XPNPEP3: variants seen among roughly 807,000 people sequenced by gnomAD.
XPNPEP3 encodes the protein xaa-Pro aminopeptidase 3.
XPNPEP3 carries 41 observed loss-of-function variants against 60.0 expected under a neutral mutation model. The ratio of observed to expected loss-of-function variants is 0.68; its 90% CI spans 0.53 to 0.89. XPNPEP3 has a LOEUF of 0.89. Among genes scored for constraint, XPNPEP3 ranks in the 40% least tolerant of loss-of-function variants. The pLI, the probability that XPNPEP3 is intolerant of heterozygous loss-of-function variation, is 0.00. For synonymous variants in XPNPEP3, 212 were observed against 223.2 expected (o/e 0.95, Z 0.45); for missense variants, 598 against 638.9 (o/e 0.94, Z 0.69).
At chr22:40,922,222 C>T (rs2058219129) in intron 7 of XPNPEP3, 111 bp from the exon 8 acceptor site, 3 of 1,285,674 alleles carry the variant, frequency 2.3e-6, no homozygotes, top group Non-Finnish European at 3.3e-6. Context: ...TAAACATCAA[C>T]AGTGCCCCAG....
intron 1 of XPNPEP3, among the ~76,000 whole-genome samples, chr22:40,865,917 A>G (rs1229457768): frequency 6.6e-6 from 1 of 152,150 alleles, no homozygotes; most frequent in Non-Finnish European, 1.5e-5. Flanking sequence ...GGCTTTGTTC[A>G]GTCTCCCTGG....
rs1020775134 is a variant in XPNPEP3, at chr22:40,924,236, G to A, written c.1237-126G>A. The A allele has an allele frequency of 3.7e-6, 5 of 1,344,414 alleles. No homozygotes were observed. The East Asian group carries it at 1.2e-4, about 31-fold the overall frequency. 83.3% of individuals were successfully genotyped at this position (1,344,414 alleles called of 1,614,324 possible). A position where few individuals can be genotyped will look rare whatever the true frequency, so the allele number is the denominator to read the frequency against. ...GTGCCTTTAAGTATTAGCCCAAGGA[G>A]GGATTAAACTGAAGTGGCAGAACCA... On this transcript the variant is annotated intron_variant, in intron 8 of 9. Coordinates refer to ENST00000357137, the MANE Select transcript of XPNPEP3 (RefSeq NM_022098.4).
At chr22:40,857,286 TGGAGG>T (rs779526179) in intron 1 of XPNPEP3, 41 bp downstream of exon 1, 1 of 1,610,632 alleles carries the variant, frequency 6.2e-7, no homozygotes, top group Admixed American at 1.7e-5. Context: ...TGGTGTCCCC[TGGAGG>T]GACCCAAGTT....
At chr22:40,906,037 C>T (rs1243335473) in intron 4 of XPNPEP3, among the ~76,000 whole-genome samples, 1 of 152,068 alleles carries the variant, frequency 6.6e-6, no homozygotes, top group Non-Finnish European at 1.5e-5. Context: ...ATGATCTGTC[C>T]ACCTCAGCCT....
At chr22:40,890,073 A>T (rs1208190596) in intron 4 of XPNPEP3, among the ~76,000 whole-genome samples, 7 of 152,206 alleles carry the variant, frequency 4.6e-5, no homozygotes, top group Non-Finnish European at 8.8e-5. Context: ...CTCCATAGGG[A>T]TAACATCCCA....
chr22:40,861,378 T>C (rs1290193273), intron 1 of XPNPEP3: 5 of 1,613,842 alleles, frequency 3.1e-6, no homozygotes, highest in Non-Finnish European at 4.2e-6. Context: ...TTGATCACTT[T>C]CAATAATTTT....
chr22:40,902,045 C>T (rs2058135440), intron 4 of XPNPEP3, among the ~76,000 whole-genome samples: 1 of 147,094 alleles, frequency 6.8e-6, no homozygotes, highest in African/African-American at 2.5e-5. Flanking sequence ...AATTAGGTGT[C>T]TTCTAAACAT....
chr22:40,896,136 G>T (rs550303675), intron 4 of XPNPEP3, among the ~76,000 whole-genome samples: 1 of 152,252 alleles, frequency 6.6e-6, no homozygotes, highest in African/African-American at 2.4e-5. Context: ...GGAGTTTAAT[G>T]ACAGGCAGTT....
chr22:40,865,208 C>T (rs2057972344), intron 1 of XPNPEP3, among the ~76,000 whole-genome samples: 1 of 152,080 alleles, frequency 6.6e-6, no homozygotes, highest in Non-Finnish European at 1.5e-5. Flanking sequence ...TGTCTTCTGT[C>T]TTCTTTACTC....
chr22:40,860,524 T>G (rs1183119154), intron 1 of XPNPEP3: 2 of 685,304 alleles, frequency 2.9e-6, no homozygotes, highest in Non-Finnish European at 4.3e-6. Context: ...TCTTGATACA[T>G]TCTTGTCTTC....
At chr22:40,910,542 A>C (rs1392077754) in intron 6 of XPNPEP3, among the ~76,000 whole-genome samples, 1 of 143,138 alleles carries the variant, frequency 7.0e-6, no homozygotes, top group Non-Finnish European at 1.5e-5. Flanking sequence ...CTATCTCTAC[A>C]AAAAAATACA....
rs937700747 is a variant in XPNPEP3 at position 40,929,433 on chromosome 22, T to G, written c.*2998T>G. On this transcript the variant is annotated 3_prime_UTR_variant, in exon 10 of 10. Transcript: ENST00000357137. The stretch of plus-strand genomic sequence containing the variant: ...GTCTCGAACTCCTGACCTCATGATC[T>G]GCCCGCCTCGGCCTCCCTAAGTGCT... The G allele has an allele frequency of 1.3e-5, 2 of 152,152 alleles. No homozygotes were observed. The highest frequency in any genetic ancestry group is 4.8e-5 in the African/African-American group (2 of 41,450). The allele number at this position is 152,152 out of a possible 1,614,324, so 9.4% of individuals were successfully genotyped here.
intron 4 of XPNPEP3, among the ~76,000 whole-genome samples, chr22:40,890,618 A>G (rs551483799): frequency 1.1e-4 from 16 of 151,384 alleles, no homozygotes; most frequent in African/African-American, 3.9e-4. Flanking sequence ...TATAATCCCA[A>G]CACTTTGGGA....
At chr22:40,901,675 A>G (rs1259843985) in intron 4 of XPNPEP3, among the ~76,000 whole-genome samples, 1 of 149,914 alleles carries the variant, frequency 6.7e-6, no homozygotes, top group Non-Finnish European at 1.5e-5. Flanking sequence ...GGGTTTCACC[A>G]TGTTGCCAAG....
chr22:40,881,360 G>A (rs1340038589), intron 2 of XPNPEP3, among the ~76,000 whole-genome samples: 2 of 151,434 alleles, frequency 1.3e-5, no homozygotes, highest in Admixed American at 6.6e-5. Flanking sequence ...GGAGGCTGAA[G>A]TGGGAGAATT....
At chr22:40,868,428 CGTGTGTGTGTGT>C (rs35513572) in intron 1 of XPNPEP3, among the ~76,000 whole-genome samples, 2 of 144,674 alleles carry the variant, frequency 1.4e-5, no homozygotes, top group African/African-American at 5.1e-5. Context: ...TATATGTGTG[CGTGTGTGTGTGT>C]GTGTGTGTGT....
intron 4 of XPNPEP3, among the ~76,000 whole-genome samples, 163 bp downstream of exon 4, chr22:40,886,678 T>G (rs1209690224): frequency 6.6e-6 from 1 of 151,566 alleles, no homozygotes; most frequent in African/African-American, 2.4e-5. Context: ...ACATAAAAAA[T>G]TAGCCGGGCA....
At chr22:40,907,035 C>G (rs2058158366) in intron 4 of XPNPEP3, 1 of 456,158 alleles carries the variant, frequency 2.2e-6, no homozygotes, top group East Asian at 6.9e-5. Context: ...CAAAAGGCCT[C>G]ACTTCTTACT....
At chr22:40,865,192 C>A (rs925736970) in intron 1 of XPNPEP3, among the ~76,000 whole-genome samples, 3 of 152,158 alleles carry the variant, frequency 2.0e-5, no homozygotes, top group Non-Finnish European at 4.4e-5. Context: ...TTGGCATACT[C>A]CAATCTGTCT....
Sources: allele counts gnomAD v4.1 joint callset (sites outside exome capture counted in the v4.1 genomes callset), GRCh38; gene constraint gnomAD v4.1.1; transcripts MANE v1.5; gene names NCBI Gene and HGNC (gene_info 2026-07-23, HGNC 2026-07-21).